XIRP2: variants seen among roughly 807,000 people sequenced by gnomAD.
The protein encoded by XIRP2 is xin actin-binding repeat-containing protein 2.
Under a neutral mutation model 277.0 loss-of-function variants are expected in XIRP2, and 236 were observed. The observed-to-expected ratio is 0.85, with a 90% CI of 0.77 to 0.95. XIRP2 has a LOEUF of 0.95. Among genes scored for constraint, XIRP2 ranks in the 40% least tolerant of loss-of-function variants. XIRP2 has a pLI of 0.00. For missense variants in XIRP2, 4,640 were observed against 4,157.5 expected, an observed-to-expected ratio of 1.12 and a Z score of -3.19; for synonymous variants, 1,490 against 1,416.5, an observed-to-expected ratio of 1.05 and a Z score of -1.17.
chr2:166,890,110 C>T (rs1200649779), intron 1 of XIRP2, among the ~76,000 whole-genome samples: 1 of 151,790 alleles, frequency 6.6e-6, no homozygotes, highest in Non-Finnish European at 1.5e-5. Context: ...ATTCTCCTGC[C>T]TCAGCCTCCT....
intron 3 of XIRP2, among the ~76,000 whole-genome samples, chr2:167,175,727 G>A (rs573577748): frequency 3.9e-5 from 6 of 152,284 alleles, no homozygotes; most frequent in Admixed American, 6.5e-5. Context: ...GTCTGCTGAA[G>A]CTGCTCCCAC....
chr2:167,024,363 TGGA>T (rs1416766385), intron 2 of XIRP2, among the ~76,000 whole-genome samples: 1 of 152,122 alleles, frequency 6.6e-6, no homozygotes, highest in African/African-American at 2.4e-5. Context: ...GCTGAGATGA[TGGA>T]GTTTTCTAGA....
chr2:167,197,603 T>G (rs977707290), intron 3 of XIRP2, among the ~76,000 whole-genome samples: 4 of 152,182 alleles, frequency 2.6e-5, no homozygotes, highest in African/African-American at 9.7e-5. Context: ...TACAAGCATA[T>G]TATTTTTGAA....
At chr2:166,968,642 C>A (rs1045340362) in intron 2 of XIRP2, among the ~76,000 whole-genome samples, 1 of 151,960 alleles carries the variant, frequency 6.6e-6, no homozygotes, top group African/African-American at 2.4e-5. Context: ...TATCCAGAAC[C>A]TGCTCCATTT....
chr2:167,028,096 A>T (rs1248945965), intron 2 of XIRP2, among the ~76,000 whole-genome samples: 1 of 152,054 alleles, frequency 6.6e-6, no homozygotes, highest in African/African-American at 2.4e-5. Context: ...ATGATCAAAA[A>T]CTATTCCAAG....
intron 2 of XIRP2, among the ~76,000 whole-genome samples, chr2:166,927,689 T>C (rs1558918878): frequency 6.6e-6 from 1 of 152,140 alleles, no homozygotes; most frequent in Non-Finnish European, 1.5e-5. Flanking sequence ...GTCATCTGAT[T>C]AGCAACCTTA....
At chr2:167,177,834 G>A (rs942862403) in intron 3 of XIRP2, among the ~76,000 whole-genome samples, 2 of 152,070 alleles carry the variant, frequency 1.3e-5, no homozygotes, top group South Asian at 2.1e-4. Flanking sequence ...GAGGCATGTA[G>A]CCCTTAATAT....
At chr2:167,011,761 G>A (rs1478539294) in intron 2 of XIRP2, among the ~76,000 whole-genome samples, 1 of 151,908 alleles carries the variant, frequency 6.6e-6, no homozygotes, top group Non-Finnish European at 1.5e-5. Context: ...CCTGTTATTG[G>A]TCTATTCAGA....
At position 167,159,269 on chromosome 2, in the gene XIRP2, G is replaced by A. The variant is rs112817652; in HGVS notation, c.562+23207G>A. Among the ~76,000 whole-genome samples the A allele has an allele frequency of 2.6e-3, 392 of 152,208 alleles. 4 individuals are homozygous for A. Among genetic ancestry groups the A allele is most frequent in the African/African-American group, 8.8e-3 (365 of 41,532 alleles). On this transcript the variant is annotated intron_variant, in intron 3 of 10. Transcript: ENST00000409195. ...CTCCAGGATCTCTCTGGAGTCCTCC[G>A]CCATCAAGCTAATCATTTTGCTGGC...
intron 1 of XIRP2, among the ~76,000 whole-genome samples, chr2:166,903,050 G>A (rs1227925171): frequency 1.3e-5 from 2 of 152,026 alleles, no homozygotes; most frequent in African/African-American, 2.4e-5. Context: ...AACTGTTACA[G>A]GCAGGAAATG....
chr2:167,245,821 G>A lies in XIRP2; in HGVS notation c.4429G>A (p.Val1477Ile), dbSNP rs1415838399. The A allele has an allele frequency of 1.2e-6, 2 of 1,613,650 alleles. No homozygotes were observed. The highest frequency in any genetic ancestry group is 2.7e-5 in the African/African-American group (2 of 74,910). Residue 1477 changes from valine to isoleucine, a missense_variant, in exon 9 of 11, where the codon GTC becomes ATC. Coordinates refer to ENST00000409195, the MANE Select transcript of XIRP2 (RefSeq NM_152381.6). ...EGLEYENIKTVTQEDVQKGDV... is the reference protein window; with the variant it reads ...EGLEYENIKTITQEDVQKGDV... ...GTTAGAATATGAAAATATCAAGACA[G>A]TCACTCAGGAAGATGTGCAGAAAGG...
intron 3 of XIRP2, among the ~76,000 whole-genome samples, chr2:167,189,245 T>C (rs1693252811): frequency 6.6e-6 from 1 of 152,134 alleles, no homozygotes; most frequent in Non-Finnish European, 1.5e-5. Context: ...GTCTCTCTCT[T>C]TCTCTCTCTT....
chr2:167,023,488 T>G (rs902603383), intron 2 of XIRP2, among the ~76,000 whole-genome samples: 1 of 152,054 alleles, frequency 6.6e-6, no homozygotes, highest in East Asian at 1.9e-4. Flanking sequence ...TTTTGTCTTT[T>G]GTTGCCATTG....
intron 5 of XIRP2, among the ~76,000 whole-genome samples, chr2:167,219,807 C>G (rs746109094): frequency 1.1e-4 from 17 of 152,164 alleles, no homozygotes; most frequent in Admixed American, 1.3e-4. Context: ...GAGTGATTTG[C>G]CTATCTCATT....
At chr2:167,013,342 A>G (rs1436958151) in intron 2 of XIRP2, among the ~76,000 whole-genome samples, 2 of 151,410 alleles carry the variant, frequency 1.3e-5, no homozygotes, top group African/African-American at 2.4e-5. Flanking sequence ...TAGGAAAAAA[A>G]CAATTCTAGA....
At chr2:167,006,801 T>A (rs966811298) in intron 2 of XIRP2, among the ~76,000 whole-genome samples, 3 of 151,874 alleles carry the variant, frequency 2.0e-5, no homozygotes, top group East Asian at 3.9e-4. Flanking sequence ...TATTTTTTCT[T>A]CTTTGAGTAA....
chr2:166,997,534 A>G (rs558570208), intron 2 of XIRP2, among the ~76,000 whole-genome samples: 5 of 152,162 alleles, frequency 3.3e-5, no homozygotes, highest in Admixed American at 1.3e-4. Flanking sequence ...AATTACACAA[A>G]AATGACCTTA....
At chr2:167,106,286 A>G (rs1690615819) in intron 2 of XIRP2, among the ~76,000 whole-genome samples, 1 of 151,662 alleles carries the variant, frequency 6.6e-6, no homozygotes, top group Non-Finnish European at 1.5e-5. Context: ...GTTTATTCCT[A>G]AAAGTTTTAT....
chr2:167,090,300 G>T (rs1056788518), intron 2 of XIRP2, among the ~76,000 whole-genome samples: 1 of 151,932 alleles, frequency 6.6e-6, no homozygotes, highest in Admixed American at 6.6e-5. Context: ...CAACTGATAC[G>T]TGATTGAGTA....
Sources: gnomAD v4.1 joint callset for allele counts (sites outside exome capture counted in the v4.1 genomes callset) on GRCh38, gnomAD v4.1.1 for gene constraint, MANE v1.5 for transcripts, NCBI Gene and HGNC (gene_info 2026-07-23, HGNC 2026-07-21) for gene names.